LINGO1: variants seen among roughly 807,000 people sequenced by gnomAD.
The protein encoded by LINGO1 is leucine rich repeat and Ig domain containing 1.
In LINGO1, 11 loss-of-function variants were observed where a neutral mutation model predicts 37.3. The ratio of observed to expected loss-of-function variants is 0.29; its 90% confidence interval spans 0.19 to 0.49. LINGO1 has a LOEUF of 0.49. Among genes scored for constraint, LINGO1 ranks in the 20% least tolerant of loss-of-function variants. The pLI, the probability that LINGO1 is intolerant of heterozygous loss-of-function variation, is 0.99. For missense variants in LINGO1, 585 were observed against 878.2 expected, an observed-to-expected ratio of 0.67 and a Z score of 4.22; for synonymous variants, 387 against 403.0, an observed-to-expected ratio of 0.96 and a Z score of 0.48.
chr15:77,699,242 C>T (rs1234602275), upstream of LINGO1, among the ~76,000 whole-genome samples: 1 of 139,992 alleles, frequency 7.1e-6, no homozygotes, highest in Non-Finnish European at 1.6e-5. Flanking sequence ...GCTCCAACCT[C>T]ACCGATGGTC....
intron 1 of LINGO1, among the ~76,000 whole-genome samples, chr15:77,809,511 T>C (rs560511460): frequency 6.6e-6 from 1 of 152,162 alleles, no homozygotes; most frequent in Non-Finnish European, 1.5e-5. Flanking sequence ...ATCTAGCATA[T>C]AGTCACTGTG....
At chr15:77,754,939 T>C (rs1368432921) in intron 1 of LINGO1, among the ~76,000 whole-genome samples, 2 of 152,226 alleles carry the variant, frequency 1.3e-5, no homozygotes, top group Admixed American at 6.5e-5. Context: ...CCAACGCTGT[T>C]GTGAAGCTTG....
rs74025317 is a variant in LINGO1, at chr15:77,618,146, C to G, written c.7-2246G>C. On this transcript the variant is annotated intron_variant, in intron 1 of 1. Coordinates refer to ENST00000355300, the MANE Select transcript of LINGO1 (RefSeq NM_032808.7). ...ATAGGTAAATAGGACTTTTAGCATC[C>G]AGCTCAGGGCCAGGCTGGCGGGTGG... 6.0e-3 allele frequency among the ~76,000 whole-genome samples: 915 copies of G among 152,350 alleles called. 10 individuals are homozygous for G. The highest frequency in any genetic ancestry group is 0.02 in the African/African-American group (829 of 41,588).
At chr15:77,691,260 T>C (rs1452422654) in intron 1 of LINGO1, among the ~76,000 whole-genome samples, 1 of 152,230 alleles carries the variant, frequency 6.6e-6, no homozygotes, top group Non-Finnish European at 1.5e-5. Flanking sequence ...AACCCTTGCC[T>C]GCCTCCTGGC....
chr15:77,740,813 T>C (rs1313408548), intron 1 of LINGO1, among the ~76,000 whole-genome samples: 1 of 152,134 alleles, frequency 6.6e-6, no homozygotes, highest in African/African-American at 2.4e-5. Flanking sequence ...CCCAAGCAGA[T>C]CTCTAACCTT....
At chr15:77,658,848 C>T (rs1178933898) in intron 3 of LINGO1, among the ~76,000 whole-genome samples, 1 of 152,072 alleles carries the variant, frequency 6.6e-6, no homozygotes, top group Non-Finnish European at 1.5e-5. Context: ...TGAGCGAGGA[C>T]GGAGTGGGAG....
Position 77,645,966 on chromosome 15 carries a change from G to A in LINGO1, c.-12-30066C>T, listed in dbSNP as rs181110470. On this transcript the variant is annotated intron_variant, in intron 3 of 3. Transcript: ENST00000559893. ...GCTGGCAGCCCAGGGTGAGTCCTGT[G>A]ATGAGCAAGTGCATGGGCAAGCAGG... Among the ~76,000 whole-genome samples, 363 of 151,056 alleles carry A rather than the reference G, an allele frequency of 2.4e-3. 2 individuals are homozygous for A. Among genetic ancestry groups the A allele is most frequent in the African/African-American group, 8.8e-3 (356 of 40,488 alleles).
intron 1 of LINGO1, among the ~76,000 whole-genome samples, chr15:77,748,530 C>A: frequency 6.6e-6 from 1 of 152,164 alleles, no homozygotes; most frequent in South Asian, 2.1e-4. Context: ...CCTGCAGAGC[C>A]CAGGAACCCT....
intron 3 of LINGO1, among the ~76,000 whole-genome samples, chr15:77,660,897 G>A (rs915964923): frequency 3.9e-5 from 6 of 152,192 alleles, no homozygotes; most frequent in African/African-American, 1.4e-4. Flanking sequence ...GGCTGCGGCT[G>A]TGCCTGAGCC....
chr15:77,767,778 G>A (rs138488919), intron 1 of LINGO1, among the ~76,000 whole-genome samples: 187 of 152,258 alleles, frequency 1.2e-3, no homozygotes, highest in Admixed American at 2.5e-3. Flanking sequence ...ATTAACTCCA[G>A]GGAAAACCGA....
At chr15:77,780,494 C>T (rs144646343) in intron 1 of LINGO1, among the ~76,000 whole-genome samples, 1 of 151,968 alleles carries the variant, frequency 6.6e-6, no homozygotes, top group East Asian at 1.9e-4. Context: ...ATGCCCAGGC[C>T]TGTGCTGGGA....
At chr15:77,785,863 T>C (rs1218376828) in intron 1 of LINGO1, among the ~76,000 whole-genome samples, 4 of 152,138 alleles carry the variant, frequency 2.6e-5, no homozygotes, top group African/African-American at 9.7e-5. Flanking sequence ...TCTAACTTCA[T>C]GTTGCTATCC....
Position 77,615,093 on chromosome 15 carries a change from G to A in LINGO1, c.814C>T (p.His272Tyr). ...GLNLTSLSITHCNLTAVPYLA... is the reference protein window; with the variant it reads ...GLNLTSLSITYCNLTAVPYLA... Reference sequence around the variant, plus strand: ...TAGGGCACAGCGGTCAGATTGCAGTGTGTGATGGACAGGGACGTCAGGTTG... The same window carrying A: ...TAGGGCACAGCGGTCAGATTGCAGTATGTGATGGACAGGGACGTCAGGTTG... Residue 272 changes from histidine to tyrosine, a missense_variant, in exon 2 of 2, where the codon CAC becomes TAC. His to Tyr is a moderately conservative substitution (Grantham distance 83, BLOSUM62 2). Transcript: ENST00000355300. 1 of 1,614,072 alleles carries A rather than the reference G, an allele frequency of 6.2e-7. No individual in the cohort carries two copies.
intron 1 of LINGO1, among the ~76,000 whole-genome samples, chr15:77,777,352 C>A (rs1303262573): frequency 7.2e-6 from 1 of 139,772 alleles, no homozygotes; most frequent in Non-Finnish European, 1.6e-5. Context: ...TACACACACA[C>A]ACACACGCAT....
At chr15:77,713,954 T>G (rs1316059273) in intron 2 of LINGO1, among the ~76,000 whole-genome samples, 3 of 152,172 alleles carry the variant, frequency 2.0e-5, no homozygotes, top group Non-Finnish European at 4.4e-5. Flanking sequence ...ACCACCCACG[T>G]CGCTTCCTGG....
At chr15:77,723,855 C>T (rs555062820) in intron 2 of LINGO1, among the ~76,000 whole-genome samples, 76 of 152,022 alleles carry the variant, frequency 5.0e-4, no homozygotes, top group Middle Eastern at 6.8e-3. Flanking sequence ...CAAACGGAGC[C>T]GAGGCGGCTG....
chr15:77,658,089 C>G (rs2074905745), intron 3 of LINGO1, among the ~76,000 whole-genome samples: 1 of 152,158 alleles, frequency 6.6e-6, no homozygotes, highest in Admixed American at 6.5e-5. Context: ...ACGGCCTGGC[C>G]CAGAAATGGC....
intron 1 of LINGO1, among the ~76,000 whole-genome samples, chr15:77,624,524 C>A (rs559979499): frequency 1.5e-4 from 23 of 152,328 alleles, no homozygotes; most frequent in African/African-American, 5.5e-4. Context: ...CAGCTCGCAG[C>A]CCCTGGCCAT....
intron 1 of LINGO1, among the ~76,000 whole-genome samples, chr15:77,813,187 T>C (rs1245583951): frequency 6.6e-6 from 1 of 151,994 alleles, no homozygotes; most frequent in Non-Finnish European, 1.5e-5. Context: ...GCTCTCAGAG[T>C]TCTGAGGAAG....
Sources: gnomAD v4.1 joint callset for allele counts (sites outside exome capture counted in the v4.1 genomes callset) on GRCh38, gnomAD v4.1.1 for gene constraint, MANE v1.5 for transcripts, NCBI Gene and HGNC (gene_info 2026-07-23, HGNC 2026-07-21) for gene names.